The following RHBDD1 variants were observed in gnomAD, a reference collection of about 807,000 sequenced individuals.
RHBDD1 encodes rhomboid-related protein 4.
RHBDD1 carries 38 observed loss-of-function variants against 36.3 expected under a neutral mutation model. The ratio of observed to expected loss-of-function variants is 1.05; its 90% CI spans 0.81 to 1.37. RHBDD1 has a LOEUF of 1.37. Ranked by LOEUF, RHBDD1 falls within the 40% of genes most tolerant of loss-of-function variation. The probability of loss-of-function intolerance (pLI) is 0.00; values close to 1 mark genes in which losing one functional copy is unlikely to be tolerated. For missense variants in RHBDD1, 393 were observed against 377.6 expected (o/e 1.04, Z -0.34); for synonymous variants, 151 against 136.5 (o/e 1.11, Z -0.74).
At chr2:226,994,786 A>T (rs1276297149) in intron 8 of RHBDD1, among the ~76,000 whole-genome samples, 2 of 152,214 alleles carry the variant, frequency 1.3e-5, no homozygotes, top group Non-Finnish European at 2.9e-5. Context: ...TTGTATCATT[A>T]CAAACTGTGT....
chr2:226,861,451 A>G (rs1312332681), intron 3 of RHBDD1, among the ~76,000 whole-genome samples: 1 of 152,356 alleles, frequency 6.6e-6, no homozygotes, highest in Middle Eastern at 3.4e-3. Context: ...CACAGTGTGA[A>G]GTAAGACTGG....
chr2:226,853,593 T>C (rs569108455), intron 3 of RHBDD1, among the ~76,000 whole-genome samples: 1 of 152,316 alleles, frequency 6.6e-6, no homozygotes, highest in Admixed American at 6.5e-5. Context: ...ATCATCACCT[T>C]GGTTTCTTTA....
In RHBDD1 at chr2:226,869,099, T is replaced by C. The variant is rs1278624898; in HGVS notation, c.566+1781T>C. 5.1e-6 allele frequency: 4 copies of C among 778,260 alleles called. No individual in the cohort carries two copies. In the African/African-American group the frequency reaches 5.7e-5, roughly 11 times the overall value. The allele number at this position is 778,260 out of a possible 1,614,324, so 48.2% of individuals were successfully genotyped here. A position where few individuals can be genotyped will look rare whatever the true frequency, so the allele number is the denominator to read the frequency against. On this transcript the variant is annotated intron_variant, in intron 5 of 8. Coordinates refer to ENST00000392062, the MANE Select transcript of RHBDD1 (RefSeq NM_001167608.3). ...AATAACAGTGCGTTTAATATTCTTA[T>C]GCAACTATTTCTGAAGTGCTTTTTA...
chr2:226,874,089 C>G (rs1945019542), intron 5 of RHBDD1, among the ~76,000 whole-genome samples: 1 of 152,102 alleles, frequency 6.6e-6, no homozygotes, highest in African/African-American at 2.4e-5. Context: ...AACTCACTAT[C>G]ATGAGACCAG....
At chr2:226,931,811 G>T (rs1950046584) in intron 8 of RHBDD1, among the ~76,000 whole-genome samples, 1 of 151,258 alleles carries the variant, frequency 6.6e-6, no homozygotes, top group Non-Finnish European at 1.5e-5. Context: ...AAATTACTTT[G>T]GGTATTCTAG....
rs192034262 is a variant in RHBDD1, at chr2:226,864,551, A to G, written c.-90-53A>G. 1.4e-4 allele frequency: 93 copies of G among 686,020 alleles called. 3 individuals are homozygous for G. Among genetic ancestry groups the G allele is most frequent in the African/African-American group, 6.0e-4 (33 of 55,224 alleles). 42.5% of individuals were successfully genotyped at this position (686,020 alleles called of 1,614,324 possible). On this transcript the variant is annotated intron_variant, in intron 3 of 8. Coordinates refer to ENST00000392062, the MANE Select transcript of RHBDD1 (RefSeq NM_001167608.3). ...GTTTGTCTTGAAGCGAGTATGTCTT[A>G]TATATGTACTAATTCTTAATTGATG...
chr2:226,923,743 G>A lies in RHBDD1; in HGVS notation c.856+9392G>A, dbSNP rs150432699. ...CTCACTGTGTGTTTTCAAATAGCCT[G>A]TCTTCAGGGTCATTAATTCTTTCTT... On this transcript the variant is annotated intron_variant, in intron 8 of 8. Coordinates refer to ENST00000392062, the MANE Select transcript of RHBDD1 (RefSeq NM_001167608.3). Among the ~76,000 whole-genome samples the A allele has an allele frequency of 5.6e-3, 850 of 152,096 alleles. 10 individuals carry two copies. The highest frequency in any genetic ancestry group is 0.02 in the African/African-American group (816 of 41,506).
chr2:226,975,452 G>A (rs980414754), intron 8 of RHBDD1, among the ~76,000 whole-genome samples: 1 of 152,166 alleles, frequency 6.6e-6, no homozygotes, highest in Non-Finnish European at 1.5e-5. Context: ...GTGAGGGAGG[G>A]CCCCACTCCT....
chr2:226,935,379 T>A (rs1411060957), intron 8 of RHBDD1: 1 of 152,158 alleles, frequency 6.6e-6, no homozygotes, highest in Non-Finnish European at 1.5e-5. Flanking sequence ...GGAGATAATT[T>A]ATTTAATTAA....
intron 8 of RHBDD1, among the ~76,000 whole-genome samples, chr2:226,939,904 G>A (rs1950560778): frequency 1.3e-5 from 2 of 152,082 alleles, no homozygotes; most frequent in South Asian, 4.1e-4. Flanking sequence ...GTATGGTAGT[G>A]GCACAAGAAT....
At chr2:226,806,367 C>T in the RHBDD1 span, among the ~76,000 whole-genome samples, 1 of 152,192 alleles carries the variant, frequency 6.6e-6, no homozygotes, top group Non-Finnish European at 1.5e-5. Context: ...ATCAGATCCT[C>T]TGTAGGTCAA....
At chr2:226,857,437 A>G (rs1476425488) in intron 3 of RHBDD1, among the ~76,000 whole-genome samples, 1 of 152,190 alleles carries the variant, frequency 6.6e-6, no homozygotes, top group African/African-American at 2.4e-5. Context: ...ACTCTTATGT[A>G]TATACCCCAG....
At chr2:226,894,776 C>T (rs981341275) in intron 5 of RHBDD1, among the ~76,000 whole-genome samples, 14 of 152,034 alleles carry the variant, frequency 9.2e-5, no homozygotes, top group African/African-American at 2.9e-4. Context: ...TGAAAGTCAC[C>T]GGATTAAGTA....
chr2:226,827,277 TA>T, the RHBDD1 span, among the ~76,000 whole-genome samples: 2 of 152,224 alleles, frequency 1.3e-5, no homozygotes, highest in Admixed American at 6.5e-5. Flanking sequence ...ATGGTGTTTT[TA>T]AAAGTAAGAT....
chr2:226,918,708 C>T (rs1208186530), intron 8 of RHBDD1, among the ~76,000 whole-genome samples: 1 of 152,052 alleles, frequency 6.6e-6, no homozygotes, highest in African/African-American at 2.4e-5. Context: ...TTTATCCATT[C>T]ATCTGTTGAT....
At chr2:226,867,595 A>G in intron 5 of RHBDD1, 1 of 985,224 alleles carries the variant, frequency 1.0e-6, no homozygotes, top group Non-Finnish European at 1.2e-6. Context: ...CTGAGGATCA[A>G]TATTAACCAG....
intron 5 of RHBDD1, among the ~76,000 whole-genome samples, chr2:226,886,550 T>C (rs1011675876): frequency 5.3e-5 from 8 of 152,182 alleles, no homozygotes; most frequent in African/African-American, 1.9e-4. Flanking sequence ...CAGGACACGG[T>C]CCTGCCTCGT....
At chr2:226,921,935 T>G (rs1425003260) in intron 8 of RHBDD1, among the ~76,000 whole-genome samples, 1 of 152,188 alleles carries the variant, frequency 6.6e-6, no homozygotes, top group African/African-American at 2.4e-5. Context: ...ACTGGGGTGT[T>G]GAAGTCTGCA....
intron 8 of RHBDD1, among the ~76,000 whole-genome samples, chr2:226,982,426 T>C (rs1274295915): frequency 3.3e-5 from 5 of 152,254 alleles, no homozygotes; most frequent in Admixed American, 2.0e-4. Flanking sequence ...CCTGTAGTTA[T>C]ATACTAATCA....
Sources: gnomAD v4.1 joint callset for allele counts (sites outside exome capture counted in the v4.1 genomes callset) on GRCh38, gnomAD v4.1.1 for gene constraint, MANE v1.5 for transcripts, NCBI Gene and HGNC (gene_info 2026-07-23, HGNC 2026-07-21) for gene names.